SYNJ2BP: variants seen among roughly 807,000 people sequenced by gnomAD.
The protein encoded by SYNJ2BP is synaptojanin-2-binding protein.
In SYNJ2BP, 10 loss-of-function variants were observed where a neutral mutation model predicts 16.9. The observed-to-expected ratio is 0.59, with a 90% CI of 0.36 to 1.00. SYNJ2BP has a LOEUF of 1.00. Among genes scored for constraint, SYNJ2BP ranks in the 50% least tolerant of loss-of-function variants. The probability of loss-of-function intolerance (pLI) is 0.01; values close to 1 mark genes in which losing one functional copy is unlikely to be tolerated. For missense variants in SYNJ2BP, 162 were observed against 186.7 expected (o/e 0.87, Z 0.77); for synonymous variants, 54 against 68.4 (o/e 0.79, Z 1.04).
intron 1 of SYNJ2BP, among the ~76,000 whole-genome samples, chr14:70,410,747 A>T (rs1888455168): frequency 6.6e-6 from 1 of 152,224 alleles, no homozygotes; most frequent in South Asian, 2.1e-4. Flanking sequence ...CATTATCCTT[A>T]GCAAACTAAC....
In SYNJ2BP at chr14:70,417,090, G is replaced by T; in HGVS notation, c.-127C>A. 1 of 1,446,216 alleles carries T rather than the reference G, an allele frequency of 6.9e-7. No individual in the cohort carries two copies. The highest frequency in any genetic ancestry group is 9.5e-7 in the Non-Finnish European group (1 of 1,054,282). The allele number at this position is 1,446,216 out of a possible 1,614,324, so 89.6% of individuals were successfully genotyped here. A position where few individuals can be genotyped will look rare whatever the true frequency, so the allele number is the denominator to read the frequency against. On this transcript the variant is annotated 5_prime_UTR_variant, in exon 1 of 4. Transcript: ENST00000256366. Reference sequence around the variant, plus strand: ...TTCAGCAGCCTCGAGACCCGGAAAAGGAAGCCCGAAGGACTCGGAGCACTG... The same window carrying T: ...TTCAGCAGCCTCGAGACCCGGAAAATGAAGCCCGAAGGACTCGGAGCACTG...
At position 70,369,607 on chromosome 14, in the gene SYNJ2BP, G is replaced by C. The variant is rs1048467823; in HGVS notation, c.*3384C>G. ...TCTTTGTGACAATACTTAGATCCCA[G>C]AGTTATGAGACATGAAATAATGTAC... is the stretch of plus-strand genomic sequence containing the variant. On this transcript the variant is annotated 3_prime_UTR_variant, in exon 4 of 4. Coordinates refer to ENST00000256366, the MANE Select transcript of SYNJ2BP (RefSeq NM_018373.3). 6.6e-6 allele frequency: 1 copy of C among 152,118 alleles called. No individual in the cohort carries two copies. 9.4% of individuals were successfully genotyped at this position (152,118 alleles called of 1,614,324 possible).
intron 1 of SYNJ2BP, among the ~76,000 whole-genome samples, chr14:70,416,319 T>C (rs1412780200): frequency 5.3e-5 from 1 of 18,842 alleles, no homozygotes; most frequent in Non-Finnish European, 8.4e-5. Context: ...TTTATTTTCT[T>C]TTTTTTTTTT....
chr14:70,414,361 AAT>A (rs1888555827), intron 1 of SYNJ2BP, among the ~76,000 whole-genome samples: 1 of 152,238 alleles, frequency 6.6e-6, no homozygotes, highest in South Asian at 2.1e-4. Flanking sequence ...ATTTGTAATA[AAT>A]ATGTGATACA....
chr14:70,411,480 A>G (rs1372806213), intron 1 of SYNJ2BP, among the ~76,000 whole-genome samples: 1 of 152,202 alleles, frequency 6.6e-6, no homozygotes, highest in African/African-American at 2.4e-5. Flanking sequence ...TACTAACACT[A>G]AAGACTCCAT....
chr14:70,382,793 T>G (rs1366461995), intron 2 of SYNJ2BP, among the ~76,000 whole-genome samples: 1 of 152,240 alleles, frequency 6.6e-6, no homozygotes, highest in East Asian at 1.9e-4. Flanking sequence ...AACATACTTT[T>G]TTTTACTTTA....
chr14:70,383,809 A>G, intron 2 of SYNJ2BP, among the ~76,000 whole-genome samples: 1 of 152,204 alleles, frequency 6.6e-6, no homozygotes, highest in Middle Eastern at 3.2e-3. Flanking sequence ...AGCCTTCGTA[A>G]TAGCCATTTT....
intron 2 of SYNJ2BP, among the ~76,000 whole-genome samples, chr14:70,385,745 T>G (rs984505164): frequency 6.6e-6 from 1 of 152,166 alleles, no homozygotes; most frequent in Non-Finnish European, 1.5e-5. Context: ...TAACTTTGTC[T>G]TTAGGATAAC....
At chr14:70,400,634 T>A (rs1444946751) in intron 1 of SYNJ2BP, among the ~76,000 whole-genome samples, 3 of 152,212 alleles carry the variant, frequency 2.0e-5, no homozygotes, top group Non-Finnish European at 4.4e-5. Context: ...CTTACCTAAT[T>A]TAAAACAATC....
intron 1 of SYNJ2BP, among the ~76,000 whole-genome samples, chr14:70,389,965 T>C (rs138127255): frequency 2.8e-3 from 425 of 152,350 alleles, no homozygotes; most frequent in African/African-American, 9.7e-3. Context: ...CTGTACAACA[T>C]TGTGCCTACA....
In SYNJ2BP at chr14:70,417,076, C is replaced by G; in HGVS notation, c.-113G>C. On this transcript the variant is annotated 5_prime_UTR_variant, in exon 1 of 4. Coordinates refer to ENST00000256366, the MANE Select transcript of SYNJ2BP (RefSeq NM_018373.3). The stretch of plus-strand genomic sequence containing the variant: ...ACAGCGGTTTCGGTTTCAGCAGCCT[C>G]GAGACCCGGAAAAGGAAGCCCGAAG... 7 of 1,530,390 alleles carry G rather than the reference C, an allele frequency of 4.6e-6. No homozygotes were observed. The South Asian group carries it at 6.0e-5, about 13-fold the overall frequency. 94.8% of individuals were successfully genotyped at this position (1,530,390 alleles called of 1,614,324 possible).
At chr14:70,380,593 C>G (rs1887726920) in intron 2 of SYNJ2BP, among the ~76,000 whole-genome samples, 1 of 149,428 alleles carries the variant, frequency 6.7e-6, no homozygotes, top group Non-Finnish European at 1.5e-5. Flanking sequence ...ACACAGGAGG[C>G]AGAGGTTGCA....
At chr14:70,398,622 G>A (rs1888159304) in intron 1 of SYNJ2BP, among the ~76,000 whole-genome samples, 1 of 152,172 alleles carries the variant, frequency 6.6e-6, no homozygotes. Flanking sequence ...CCAGGCAGCA[G>A]GAAAAGACAC....
intron 1 of SYNJ2BP, among the ~76,000 whole-genome samples, chr14:70,412,695 C>T (rs896936209): frequency 1.3e-5 from 2 of 151,458 alleles, no homozygotes; most frequent in African/African-American, 4.8e-5. Flanking sequence ...CTGCCATCAA[C>T]CCATCATCTT....
chr14:70,386,588 TG>T (rs1205228135), intron 2 of SYNJ2BP, among the ~76,000 whole-genome samples: 1 of 152,204 alleles, frequency 6.6e-6, no homozygotes, highest in African/African-American at 2.4e-5. Context: ...ACCATACTGC[TG>T]AGCCTGATCA....
intron 1 of SYNJ2BP, among the ~76,000 whole-genome samples, chr14:70,403,761 G>A (rs1049785117): frequency 2.6e-5 from 4 of 152,172 alleles, no homozygotes; most frequent in African/African-American, 9.7e-5. Context: ...TCTTTTATTT[G>A]TTTACTTTCT....
intron 2 of SYNJ2BP, among the ~76,000 whole-genome samples, chr14:70,386,648 C>G (rs986859164): frequency 6.6e-6 from 1 of 152,184 alleles, no homozygotes; most frequent in African/African-American, 2.4e-5. Flanking sequence ...TTCTCTCTCT[C>G]TTTTCCTTTG....
At chr14:70,403,310 CAA>C (rs754195937) in intron 1 of SYNJ2BP, among the ~76,000 whole-genome samples, 4 of 152,090 alleles carry the variant, frequency 2.6e-5, no homozygotes, top group African/African-American at 4.8e-5. Context: ...ACTTCACTAC[CAA>C]AATACATGAA....
intron 1 of SYNJ2BP, among the ~76,000 whole-genome samples, chr14:70,399,252 C>T (rs772597769): frequency 1.2e-4 from 19 of 152,206 alleles, no homozygotes; most frequent in South Asian, 2.1e-4. Flanking sequence ...CCTGGCCTCA[C>T]GGCCCCTCTC....
Sources: allele counts gnomAD v4.1 joint callset (sites outside exome capture counted in the v4.1 genomes callset), GRCh38; gene constraint gnomAD v4.1.1; transcripts MANE v1.5; gene names NCBI Gene and HGNC (gene_info 2026-07-23, HGNC 2026-07-21).